Variants in SGCD observed in about 807,000 individuals in gnomAD.
The protein encoded by SGCD is delta-sarcoglycan.
SGCD carries 18 observed loss-of-function variants against 36.6 expected under a neutral mutation model. That is an observed-to-expected ratio of 0.49 (90% confidence interval 0.34 to 0.73). The LOEUF (loss-of-function observed/expected upper bound fraction) is 0.73, where lower values mean the gene tolerates loss of function less well. Among genes scored for constraint, SGCD ranks in the 30% least tolerant of loss-of-function variants. SGCD has a pLI of 0.01. For missense variants in SGCD, 387 were observed against 346.7 expected, an observed-to-expected ratio of 1.12 and a Z score of -0.92; for synonymous variants, 133 against 130.6, an observed-to-expected ratio of 1.02 and a Z score of -0.12.
intron 7 of SGCD, among the ~76,000 whole-genome samples, chr5:156,652,826 T>C (rs1190161300): frequency 6.6e-6 from 1 of 152,092 alleles, no homozygotes; most frequent in Non-Finnish European, 1.5e-5. Flanking sequence ...TTTTATTGAA[T>C]GCTTTTTCTA....
chr5:156,110,732 G>A (rs1301402492), intron 1 of SGCD, among the ~76,000 whole-genome samples: 1 of 151,830 alleles, frequency 6.6e-6, no homozygotes, highest in Non-Finnish European at 1.5e-5. Flanking sequence ...CCATTCTAAG[G>A]AGTAATTATC....
intron 1 of SGCD, among the ~76,000 whole-genome samples, chr5:156,081,454 ACG>A (rs1760950019): frequency 6.6e-6 from 1 of 152,100 alleles, no homozygotes; most frequent in Admixed American, 6.6e-5. Context: ...GTGCAGTGGC[ACG>A]ATCATAGTTC....
At chr5:156,425,714 C>T (rs568697494) in intron 3 of SGCD, among the ~76,000 whole-genome samples, 1 of 152,108 alleles carries the variant, frequency 6.6e-6, no homozygotes, top group African/African-American at 2.4e-5. Context: ...CACCCACGAA[C>T]TCACGCTTCC....
chr5:156,679,665 A>G (rs1274101841), intron 7 of SGCD, among the ~76,000 whole-genome samples: 2 of 152,224 alleles, frequency 1.3e-5, no homozygotes, highest in Non-Finnish European at 2.9e-5. Context: ...AAATTTTAAA[A>G]AAGCAAAACA....
At chr5:156,155,435 T>A (rs993535445) in intron 3 of SGCD, among the ~76,000 whole-genome samples, 2 of 151,458 alleles carry the variant, frequency 1.3e-5, no homozygotes, top group Admixed American at 6.6e-5. Context: ...ATGCGAAATA[T>A]TTCAGTTTTC....
chr5:155,824,094 C>A, the SGCD span, among the ~76,000 whole-genome samples: 1 of 152,122 alleles, frequency 6.6e-6, no homozygotes. Context: ...ACTAACATTG[C>A]CTGGAAGTAT....
the SGCD span, among the ~76,000 whole-genome samples, chr5:155,810,318 T>C: frequency 6.6e-6 from 1 of 152,232 alleles, no homozygotes; most frequent in South Asian, 2.1e-4. Context: ...TTTATGTCTA[T>C]GCAGAAGTCA....
intron 3 of SGCD, among the ~76,000 whole-genome samples, chr5:156,269,306 A>G (rs930639565): frequency 6.6e-6 from 1 of 151,572 alleles, no homozygotes; most frequent in Non-Finnish European, 1.5e-5. Flanking sequence ...TGTCTCTACT[A>G]AAAATACAAA....
intron 1 of SGCD, among the ~76,000 whole-genome samples, chr5:156,016,302 G>A (rs759210082): frequency 6.6e-6 from 1 of 151,914 alleles, no homozygotes; most frequent in Admixed American, 6.6e-5. Context: ...GGTTTGTTTC[G>A]CTCCCTTCAG....
chr5:155,798,300 G>A, the SGCD span, among the ~76,000 whole-genome samples: 1 of 152,168 alleles, frequency 6.6e-6, no homozygotes, highest in African/African-American at 2.4e-5. Flanking sequence ...ACTTTGTTTT[G>A]AATGAAGTGA....
intron 2 of SGCD, among the ~76,000 whole-genome samples, chr5:156,121,604 A>G (rs1762042453): frequency 6.6e-6 from 1 of 152,112 alleles, no homozygotes; most frequent in Admixed American, 6.6e-5. Context: ...TGTTACCGCA[A>G]TGAGGGGTAA....
intron 1 of SGCD, among the ~76,000 whole-genome samples, chr5:156,069,233 C>T (rs1760449989): frequency 6.6e-6 from 1 of 152,058 alleles, no homozygotes; most frequent in South Asian, 2.1e-4. Context: ...CCTAGGTTTT[C>T]TTCTAGGGTT....
intron 1 of SGCD, among the ~76,000 whole-genome samples, chr5:156,074,193 G>C (rs973244523): frequency 6.6e-6 from 1 of 152,166 alleles, no homozygotes; most frequent in African/African-American, 2.4e-5. Context: ...GTGACCCTTT[G>C]ATCTCAAATG....
chr5:155,754,964 A>T, the SGCD span, among the ~76,000 whole-genome samples: 2 of 152,184 alleles, frequency 1.3e-5, no homozygotes, highest in Non-Finnish European at 2.9e-5. Context: ...AAAGCCAGAG[A>T]GGACCCAAAG....
intron 7 of SGCD, among the ~76,000 whole-genome samples, chr5:156,742,199 T>A (rs1756713796): frequency 6.6e-6 from 1 of 152,164 alleles, no homozygotes; most frequent in South Asian, 2.1e-4. Flanking sequence ...TCTTGAGGTT[T>A]TATACACAAA....
chr5:156,024,578 T>C (rs1457407988), intron 1 of SGCD, among the ~76,000 whole-genome samples: 2 of 152,152 alleles, frequency 1.3e-5, no homozygotes, highest in African/African-American at 2.4e-5. Context: ...GAATTCAAAA[T>C]GCTCCAGTTA....
the SGCD span, among the ~76,000 whole-genome samples, chr5:155,839,851 CA>C: frequency 1.1e-3 from 169 of 152,234 alleles, no homozygotes; most frequent in Non-Finnish European, 1.8e-3. Context: ...CAACATCTCT[CA>C]GGTGGGAGGA....
At chr5:156,548,317 G>A (rs537572353) in intron 4 of SGCD, among the ~76,000 whole-genome samples, 2 of 152,298 alleles carry the variant, frequency 1.3e-5, no homozygotes, top group East Asian at 3.9e-4. Flanking sequence ...GGAAAAGTAT[G>A]AAATATGGTG....
intron 3 of SGCD, among the ~76,000 whole-genome samples, chr5:156,458,059 G>C (rs965139195): frequency 6.6e-6 from 1 of 152,154 alleles, no homozygotes; most frequent in African/African-American, 2.4e-5. Context: ...CACAAGGAAA[G>C]GAAGAGCCTG....
Sources: allele counts gnomAD v4.1 joint callset (sites outside exome capture counted in the v4.1 genomes callset), GRCh38; gene constraint gnomAD v4.1.1; transcripts MANE v1.5; gene names NCBI Gene and HGNC (gene_info 2026-07-23, HGNC 2026-07-21).